SETD3: variants seen among roughly 807,000 people sequenced by gnomAD.
SETD3 encodes the protein SET domain containing 3, actin N3(tau)-histidine methyltransferase, also known as actin-histidine N-methyltransferase.
SETD3 carries 19 observed loss-of-function variants against 63.0 expected under a neutral mutation model. The ratio of observed to expected loss-of-function variants is 0.30; its 90% CI spans 0.21 to 0.44. The LOEUF (loss-of-function observed/expected upper bound fraction) is 0.44. Ranked by LOEUF, SETD3 falls within the 20% of genes least tolerant of loss-of-function variation. The probability of loss-of-function intolerance (pLI) is 1.00; values close to 1 mark genes in which losing one functional copy is unlikely to be tolerated. For synonymous variants in SETD3, 286 were observed against 264.1 expected (o/e 1.08, Z -0.80); for missense variants, 587 against 728.5 (o/e 0.81, Z 2.24).
chr14:99,463,611 TC>T, intron 2 of SETD3, 33 bp from the exon 3 acceptor site: 1 of 1,545,432 alleles, frequency 6.5e-7, no homozygotes, highest in South Asian at 1.1e-5. Flanking sequence ...CTGAAACACT[TC>T]TCTCTTTCAA....
rs557240782 is a variant in SETD3, at chr14:99,454,905, G to A, written c.675+3374C>T. 2.0e-5 allele frequency among the ~76,000 whole-genome samples: 3 copies of A among 152,308 alleles called. No individual in the cohort carries two copies. In the South Asian group the frequency reaches 6.2e-4, roughly 32 times the overall value. On this transcript the variant is annotated intron_variant, in intron 6 of 12. Transcript: ENST00000331768. ...AGGAAACTGACTCCTAACAACCACA[G>A]GTGCTATGGCACCAGGCTAGTTGCT... is the stretch of plus-strand genomic sequence containing the variant.
chr14:99,479,102 G>A (rs778038799), intron 1 of SETD3, among the ~76,000 whole-genome samples: 2 of 152,140 alleles, frequency 1.3e-5, no homozygotes, highest in African/African-American at 2.4e-5. Flanking sequence ...GGAAAAAAAA[G>A]CACTGAGATG....
chr14:99,441,891 G>T (rs375749842), intron 6 of SETD3, among the ~76,000 whole-genome samples: 6 of 152,220 alleles, frequency 3.9e-5, no homozygotes, highest in Admixed American at 2.6e-4. Context: ...AAGAGCACAG[G>T]GACCCTTTGG....
upstream of SETD3, among the ~76,000 whole-genome samples, chr14:99,482,295 C>T (rs1189529752): frequency 6.6e-6 from 1 of 152,230 alleles, no homozygotes; most frequent in African/African-American, 2.4e-5. Context: ...TCGCTGTTTA[C>T]AGATACCTAG....
chr14:99,470,342 T>C (rs552337015), intron 1 of SETD3, among the ~76,000 whole-genome samples: 2 of 152,354 alleles, frequency 1.3e-5, no homozygotes, highest in East Asian at 3.9e-4. Context: ...ATATTGGGAT[T>C]CTGTCTTTTG....
intron 6 of SETD3, among the ~76,000 whole-genome samples, chr14:99,441,931 T>C (rs1399660039): frequency 6.6e-6 from 1 of 152,194 alleles, no homozygotes; most frequent in Non-Finnish European, 1.5e-5. Context: ...GACTGGGTGA[T>C]GGAGTCGTGG....
At chr14:99,461,161 A>C in intron 4 of SETD3, 31 bp downstream of exon 4, 1 of 1,611,928 alleles carries the variant, frequency 6.2e-7, no homozygotes, top group Non-Finnish European at 8.5e-7. Flanking sequence ...AAACACATAG[A>C]CCCCTTGAGA....
intron 11 of SETD3, among the ~76,000 whole-genome samples, chr14:99,400,690 A>G (rs1459067381): frequency 6.6e-6 from 1 of 152,234 alleles, no homozygotes; most frequent in African/African-American, 2.4e-5. Flanking sequence ...AACAAGAGCC[A>G]CAACAATCCC....
chr14:99,410,186 G>A (rs759918307), intron 8 of SETD3: 9 of 1,613,136 alleles, frequency 5.6e-6, no homozygotes, highest in South Asian at 3.3e-5. Context: ...AGGCAGAGGC[G>A]ACAGCAAGAG....
At chr14:99,428,276 G>A (rs1892991907) in intron 6 of SETD3, among the ~76,000 whole-genome samples, 1 of 152,194 alleles carries the variant, frequency 6.6e-6, no homozygotes, top group Admixed American at 6.5e-5. Flanking sequence ...CCAGGAACAA[G>A]GACTTTGTAG....
At chr14:99,482,331 C>T (rs1896361392), upstream of SETD3, among the ~76,000 whole-genome samples, 3 of 152,132 alleles carry the variant, frequency 2.0e-5, no homozygotes, top group South Asian at 4.1e-4. Context: ...TTGTAGGTGC[C>T]CGCTAAAGGT....
At chr14:99,477,188 A>G (rs1896016621) in intron 1 of SETD3, among the ~76,000 whole-genome samples, 1 of 150,578 alleles carries the variant, frequency 6.6e-6, no homozygotes, top group Non-Finnish European at 1.5e-5. Context: ...TTGATAGAAG[A>G]AAAAAAAAAT....
At chr14:99,442,120 C>A (rs1893857331) in intron 6 of SETD3, among the ~76,000 whole-genome samples, 1 of 152,208 alleles carries the variant, frequency 6.6e-6, no homozygotes, top group Non-Finnish European at 1.5e-5. Flanking sequence ...CACACCGGCT[C>A]CGCATCAGAT....
At chr14:99,478,056 T>A (rs968638645) in intron 1 of SETD3, among the ~76,000 whole-genome samples, 4 of 152,036 alleles carry the variant, frequency 2.6e-5, no homozygotes, top group African/African-American at 9.7e-5. Flanking sequence ...GTTAGCCAGA[T>A]AAACACTTCT....
rs539091630 is a variant in SETD3, at chr14:99,469,470, G to A, written c.-8-3657C>T. 4.6e-5 allele frequency among the ~76,000 whole-genome samples: 7 copies of A among 152,348 alleles called. No individual in the cohort carries two copies. The East Asian group carries it at 7.7e-4, about 17-fold the overall frequency. On this transcript the variant is annotated intron_variant, in intron 1 of 12. Coordinates refer to ENST00000331768, the MANE Select transcript of SETD3 (RefSeq NM_032233.3). ...AAAATACAAACTGCATAGGCTGGGC[G>A]TAGTGGCTCATGCCTATAATCCTAG...
intron 6 of SETD3, among the ~76,000 whole-genome samples, chr14:99,418,362 T>A (rs902478253): frequency 6.6e-6 from 1 of 152,168 alleles, no homozygotes. Context: ...AGTCAGGGAC[T>A]ATCTCTTTTA....
At chr14:99,447,335 G>A (rs565259276) in intron 6 of SETD3, among the ~76,000 whole-genome samples, 2 of 152,304 alleles carry the variant, frequency 1.3e-5, no homozygotes, top group East Asian at 1.9e-4. Flanking sequence ...TAGAAAAAAT[G>A]AAGAACACTA....
chr14:99,454,198 T>TG (rs1894624067), intron 6 of SETD3, among the ~76,000 whole-genome samples: 2 of 144,624 alleles, frequency 1.4e-5, no homozygotes, highest in South Asian at 4.4e-4. Flanking sequence ...GAGCAAATGC[T>TG]TTTTTTTTTT....
intron 6 of SETD3, among the ~76,000 whole-genome samples, chr14:99,417,522 G>A (rs1595167477): frequency 1.3e-5 from 2 of 152,232 alleles, no homozygotes; most frequent in East Asian, 1.9e-4. Flanking sequence ...GCATGCAAAT[G>A]TTCCAGGGTG....
Sources: gnomAD v4.1 joint callset for allele counts (sites outside exome capture counted in the v4.1 genomes callset) on GRCh38, gnomAD v4.1.1 for gene constraint, MANE v1.5 for transcripts, NCBI Gene and HGNC (gene_info 2026-07-23, HGNC 2026-07-21) for gene names.